H1-8: variants seen among roughly 807,000 people sequenced by gnomAD.
H1-8 encodes the protein H1.8 linker histone, also known as histone H1.8.
H1-8 carries 13 observed loss-of-function variants against 19.5 expected under a neutral mutation model. That is an observed-to-expected ratio of 0.67 (90% CI 0.43 to 1.06). H1-8 has a LOEUF of 1.06. H1-8 is among the 50% of genes least tolerant of loss of function. The pLI, the probability that H1-8 is intolerant of heterozygous loss-of-function variation, is 0.00. For missense variants in H1-8, 432 were observed against 459.8 expected, an observed-to-expected ratio of 0.94 and a Z score of 0.55; for synonymous variants, 193 against 187.6, an observed-to-expected ratio of 1.03 and a Z score of -0.24.
chr3:129,547,626 C>T lies in H1-8; in HGVS notation c.324C>T (p.Gly108=), dbSNP rs1371331398. The change falls in exon 2 of 5, where the codon GGC becomes GGT. Residue 108 remains glycine (G), a synonymous_variant. Transcript: ENST00000324382. ...KQALATGMRR[G]LLARPLNSKA... ...CGCTGGCCACTGGCATGCGCCGTGG[C>T]CTCCTCGCCAGGCCCCTCAACTCCA... 1.3e-6 allele frequency: 2 copies of T among 1,549,146 alleles called. No homozygotes were observed. Among genetic ancestry groups the T allele is most frequent in the Non-Finnish European group, 1.7e-6 (2 of 1,147,538 alleles).
At chr3:129,547,350 T>A (rs2084896204) in intron 1 of H1-8, 41 bp from the exon 2 acceptor site, 1 of 1,461,204 alleles carries the variant, frequency 6.8e-7, no homozygotes, top group Non-Finnish European at 9.0e-7. Flanking sequence ...GCCACTGAGT[T>A]GTGACTGGGC....
rs1357602378 is a variant in H1-8 at position 129,547,282 on chromosome 3, G to A, written c.89-109G>A. 6 of 1,144,634 alleles carry A rather than the reference G, an allele frequency of 5.2e-6. No individual in the cohort carries two copies. The East Asian group carries it at 1.0e-4, about 20-fold the overall frequency. The allele number at this position is 1,144,634 out of a possible 1,614,324, so 70.9% of individuals were successfully genotyped here. A position where few individuals can be genotyped will look rare whatever the true frequency, so the allele number is the denominator to read the frequency against. ...GCCAGCGGTCAGTGTCTTGGGGAGA[G>A]GGGGGCATCTGATCCTTGCTGGACC... On this transcript the variant is annotated intron_variant, in intron 1 of 4. Transcript: ENST00000324382.
chr3:129,547,495 G>T lies in H1-8; in HGVS notation c.193G>T (p.Ala65Ser), dbSNP rs974083849. The T allele has an allele frequency of 1.5e-5, 23 of 1,562,800 alleles. No homozygotes were observed. The highest frequency in any genetic ancestry group is 2.0e-5 in the Non-Finnish European group (23 of 1,153,890). ...ACGCATGGTGCTGGAGGCGCTGCAG[G>T]CTGGGGAGCAGCGCCGGGGCACGTC... is the stretch of plus-strand genomic sequence containing the variant. ...VLRMVLEALQ[A>S]GEQRRGTSVA... Residue 65 changes from alanine to serine, a missense_variant, in exon 2 of 5, where the codon GCT (alanine) becomes TCT (serine). Ala to Ser is a moderately conservative substitution (Grantham distance 99, BLOSUM62 1). Transcript: ENST00000324382.
At chr3:129,547,300 G>T in intron 1 of H1-8, 91 bp from the exon 2 acceptor site, 2 of 1,335,006 alleles carry the variant, frequency 1.5e-6, no homozygotes. Flanking sequence ...TCTGATCCTT[G>T]CTGGACCCTC....
At chr3:129,549,662 G>A (rs1266172647) in intron 3 of H1-8, among the ~76,000 whole-genome samples, 2 of 151,934 alleles carry the variant, frequency 1.3e-5, no homozygotes, top group African/African-American at 4.8e-5. Context: ...TAAAGAAGGT[G>A]GAGTTTTTAG....
intron 2 of H1-8, among the ~76,000 whole-genome samples, chr3:129,548,015 C>A (rs188439520): frequency 6.6e-6 from 1 of 152,312 alleles, no homozygotes; most frequent in East Asian, 1.9e-4. Context: ...CCTCTGCTGG[C>A]ACCTCCCTGA....
intron 1 of H1-8, among the ~76,000 whole-genome samples, chr3:129,545,854 G>C (rs2084882648): frequency 6.6e-6 from 1 of 152,148 alleles, no homozygotes; most frequent in African/African-American, 2.4e-5. Context: ...GTTTGGGCTG[G>C]TTCCATCTTT....
chr3:129,546,478 G>A (rs1279489852), intron 1 of H1-8, among the ~76,000 whole-genome samples: 1 of 152,182 alleles, frequency 6.6e-6, no homozygotes, highest in Non-Finnish European at 1.5e-5. Context: ...GCAAATGCTG[G>A]ATTTATGTAT....
chr3:129,550,674 C>A, intron 3 of H1-8, 71 bp from the exon 4 acceptor site: 2 of 1,286,096 alleles, frequency 1.6e-6, no homozygotes, highest in Non-Finnish European at 1.1e-6. Flanking sequence ...GGTTCTAGAG[C>A]CCCTGAAACT....
Position 129,551,132 on chromosome 3 carries a change from C to G in H1-8, c.833C>G (p.Thr278Ser), listed in dbSNP as rs1468529529. The change falls in exon 5 of 5, where the codon ACC becomes AGC. Residue 278 changes from threonine to serine, a missense_variant. By Grantham distance (58) the Thr-to-Ser change is moderately conservative. Coordinates refer to ENST00000324382, the MANE Select transcript of H1-8 (RefSeq NM_153833.3). Reference sequence around the variant, plus strand: ...GTCAAGAATGGTGCTGCTTCCCCGACCAAAAAGAAGGTGGTGGCCAAGGCC... The same window carrying G: ...GTCAAGAATGGTGCTGCTTCCCCGAGCAAAAAGAAGGTGGTGGCCAAGGCC... ...SKVKNGAASP[T>S]KKKVVAKAKA... 3 of 1,613,840 alleles carry G rather than the reference C, an allele frequency of 1.9e-6. No homozygotes were observed. The highest frequency in any genetic ancestry group is 2.7e-5 in the African/African-American group (2 of 74,908).
In H1-8 at chr3:129,551,127, C is replaced by T; in HGVS notation, c.828C>T (p.Ser276=). The T allele has an allele frequency of 6.8e-6, 11 of 1,613,844 alleles. No homozygotes were observed. The highest frequency in any genetic ancestry group is 9.3e-6 in the Non-Finnish European group (11 of 1,179,964). Reference sequence around the variant, plus strand: ...TATAGGTCAAGAATGGTGCTGCTTCCCCGACCAAAAAGAAGGTGGTGGCCA... The same window carrying T: ...TATAGGTCAAGAATGGTGCTGCTTCTCCGACCAAAAAGAAGGTGGTGGCCA... ...TASKVKNGAA[S]PTKKKVVAKA... The change falls in exon 5 of 5, where the codon TCC becomes TCT. Residue 276 remains serine, a synonymous_variant. Coordinates refer to ENST00000324382, the MANE Select transcript of H1-8 (RefSeq NM_153833.3).
At position 129,551,361 on chromosome 3, in the gene H1-8, A is replaced by G; in HGVS notation, c.*21A>G. The G allele has an allele frequency of 6.6e-7, 1 of 1,515,458 alleles. No individual in the cohort carries two copies. Among genetic ancestry groups the G allele is most frequent in the Non-Finnish European group, 9.1e-7 (1 of 1,100,272 alleles). 93.9% of individuals were successfully genotyped at this position (1,515,458 alleles called of 1,614,324 possible). ...CTTAGGGCCAGAGGCAGGGGCGGAGAGAGACCGAGCCTCTGCCCTAGTTTT... is the reference window on the plus strand; with the variant it reads ...CTTAGGGCCAGAGGCAGGGGCGGAGGGAGACCGAGCCTCTGCCCTAGTTTT... On this transcript the variant is annotated 3_prime_UTR_variant, in exon 5 of 5. Transcript: ENST00000324382.
chr3:129,548,355 A>G, intron 2 of H1-8: 2 of 986,026 alleles, frequency 2.0e-6, no homozygotes, highest in African/African-American at 1.7e-5. Flanking sequence ...ACCCTGGTAG[A>G]ACTCCTGGGC....
chr3:129,549,050 C>T lies in H1-8; in HGVS notation c.428C>T (p.Ala143Val), dbSNP rs748783783. 1.1e-5 allele frequency: 17 copies of T among 1,612,778 alleles called. No homozygotes were observed. Among genetic ancestry groups the T allele is most frequent in the African/African-American group, 2.7e-5 (2 of 74,836 alleles). ...KKIQPRKMAP[A>V]TAPRRAGEAK... Reference sequence around the variant, plus strand: ...ATCCAGCCCAGGAAGATGGCCCCCGCGACGGCTCCCAGGAGAGCGGGTGAG... The same window carrying T: ...ATCCAGCCCAGGAAGATGGCCCCCGTGACGGCTCCCAGGAGAGCGGGTGAG... Residue 143 changes from alanine to valine, a missense_variant, in exon 3 of 5, where the codon GCG (alanine) becomes GTG (valine). Physicochemically the swap from Ala to Val is moderately conservative, Grantham distance 64 (BLOSUM62 0). Coordinates refer to ENST00000324382, the MANE Select transcript of H1-8 (RefSeq NM_153833.3).
chr3:129,549,018 G>A lies in H1-8; in HGVS notation c.396G>A (p.Lys132=). 2 of 1,608,900 alleles carry A rather than the reference G, an allele frequency of 1.2e-6. No homozygotes were observed. Among genetic ancestry groups the A allele is most frequent in the Non-Finnish European group, 1.7e-6 (2 of 1,178,168 alleles). ...TTCTCCAGTTAGTTCCCAAGCACAA[G>A]AAGAAAATCCAGCCCAGGAAGATGG... ...TGSFKLVPKH[K]KKIQPRKMAP... The change falls in exon 3 of 5, where the codon AAG becomes AAA. Residue 132 remains lysine, a synonymous_variant. Coordinates refer to ENST00000324382, the MANE Select transcript of H1-8 (RefSeq NM_153833.3).
At chr3:129,551,003 G>C (rs533495159) in intron 4 of H1-8, 104 bp from the exon 5 acceptor site, 8 of 1,104,556 alleles carry the variant, frequency 7.2e-6, no homozygotes, top group Non-Finnish European at 9.2e-6. Context: ...TTACAGATAA[G>C]AGACTAAGGC....
Position 129,547,512 on chromosome 3 carries a change from G to A in H1-8, c.210G>A (p.Arg70=). Residue 70 remains arginine, a synonymous_variant, in exon 2 of 5, where the codon CGG becomes CGA. Transcript: ENST00000324382. ...CGCTGCAGGCTGGGGAGCAGCGCCG[G>A]GGCACGTCGGTGGCAGCTATCAAGC... ...LEALQAGEQR[R]GTSVAAIKLY... The A allele has an allele frequency of 6.4e-7, 1 of 1,572,392 alleles. No individual in the cohort carries two copies. The highest frequency in any genetic ancestry group is 2.3e-5 in the East Asian group (1 of 42,556).
At chr3:129,544,909 C>T (rs927233517) in intron 1 of H1-8, among the ~76,000 whole-genome samples, 7 of 152,044 alleles carry the variant, frequency 4.6e-5, no homozygotes, top group African/African-American at 1.4e-4. Context: ...ACCAGCTCAA[C>T]GCCTTTGGCC....
chr3:129,547,982 C>T (rs1262230610), intron 2 of H1-8, among the ~76,000 whole-genome samples: 1 of 152,194 alleles, frequency 6.6e-6, no homozygotes, highest in Non-Finnish European at 1.5e-5. Context: ...TCCTGGAATT[C>T]CTCACCACAG....
Sources: gnomAD v4.1 joint callset for allele counts (sites outside exome capture counted in the v4.1 genomes callset) on GRCh38, gnomAD v4.1.1 for gene constraint, MANE v1.5 for transcripts, NCBI Gene and HGNC (gene_info 2026-07-23, HGNC 2026-07-21) for gene names.